The following STX2 variants were observed in gnomAD, a reference collection of about 807,000 sequenced individuals.
The protein encoded by STX2 is syntaxin 2, also known as syntaxin-2.
STX2 carries 27 observed loss-of-function variants against 40.6 expected under a neutral mutation model. The observed-to-expected ratio is 0.66, with a 90% CI of 0.49 to 0.92. STX2 has a LOEUF of 0.92. Among genes scored for constraint, STX2 ranks in the 40% least tolerant of loss-of-function variants. The probability of loss-of-function intolerance (pLI) is 0.00; values close to 1 mark genes in which losing one functional copy is unlikely to be tolerated. For missense variants in STX2, 328 were observed against 366.1 expected, an observed-to-expected ratio of 0.90 and a Z score of 0.85; for synonymous variants, 123 against 119.1, an observed-to-expected ratio of 1.03 and a Z score of -0.22.
At chr12:130,808,344 G>A (rs184040136) in intron 5 of STX2, among the ~76,000 whole-genome samples, 7 of 151,482 alleles carry the variant, frequency 4.6e-5, no homozygotes, top group East Asian at 3.9e-4. Flanking sequence ...TCTCCTGCCC[G>A]CTCTTTCCCC....
chr12:130,835,372 G>C (rs1017052865), intron 1 of STX2, among the ~76,000 whole-genome samples: 1 of 152,122 alleles, frequency 6.6e-6, no homozygotes, highest in African/African-American at 2.4e-5. Context: ...GGTCTACTAA[G>C]AACACCACAC....
intron 4 of STX2, among the ~76,000 whole-genome samples, chr12:130,809,646 GTCTCT>G (rs1951572498): frequency 6.6e-6 from 1 of 152,084 alleles, no homozygotes. Flanking sequence ...GTGAAACCCT[GTCTCT>G]ACTACAAATA....
At chr12:130,812,329 T>C (rs1200032885) in intron 4 of STX2, 3 of 432,966 alleles carry the variant, frequency 6.9e-6, no homozygotes, top group Non-Finnish European at 1.4e-5. Flanking sequence ...CTCAGATGCC[T>C]GGGATGGGCT....
At chr12:130,838,536 C>T (rs75753578) in intron 1 of STX2, among the ~76,000 whole-genome samples, 6,231 of 152,240 alleles carry the variant, frequency 0.041, 402 homozygotes, top group African/African-American at 0.14. Flanking sequence ...CTAAGGTGCC[C>T]ACATTTCACA....
At chr12:130,795,948 G>T in intron 10 of STX2, 47 bp downstream of exon 10, 1 of 1,566,692 alleles carries the variant, frequency 6.4e-7, no homozygotes, top group Non-Finnish European at 8.6e-7. Context: ...TACTATTATT[G>T]GTTAATTGCA....
chr12:130,828,544 C>T (rs1244956779), intron 1 of STX2, among the ~76,000 whole-genome samples: 2 of 151,650 alleles, frequency 1.3e-5, no homozygotes, highest in African/African-American at 4.8e-5. Context: ...CCAGCCTGTA[C>T]ACTCGTAATT....
intron 10 of STX2, among the ~76,000 whole-genome samples, chr12:130,792,745 C>T (rs1317770923): frequency 1.3e-5 from 2 of 152,254 alleles, no homozygotes; most frequent in African/African-American, 4.8e-5. Context: ...GGATTACAGG[C>T]ATGAGCCACT....
chr12:130,828,867 C>CA (rs71451381), intron 1 of STX2, among the ~76,000 whole-genome samples: 69,293 of 121,254 alleles, frequency 0.57, 20,237 homozygotes, highest in East Asian at 0.86. Context: ...GACTCTGTCT[C>CA]AAAAAAAAAA....
rs1331208579 is a variant in STX2, at chr12:130,789,874, A to C, written c.*2149T>G. ...ATACAAATCAAATAGCATTTTCCTAACTTCAACTATAAAAACACAAATTTC... is the reference window on the plus strand; with the variant it reads ...ATACAAATCAAATAGCATTTTCCTACCTTCAACTATAAAAACACAAATTTC... On this transcript the variant is annotated 3_prime_UTR_variant, in exon 11 of 11. Transcript: ENST00000392373. The C allele has an allele frequency of 5.3e-5, 8 of 152,342 alleles. No individual in the cohort carries two copies. The highest frequency in any genetic ancestry group is 4.4e-5 in the Non-Finnish European group (3 of 68,038). The allele number at this position is 152,342 out of a possible 1,614,324, so 9.4% of individuals were successfully genotyped here.
intron 3 of STX2, among the ~76,000 whole-genome samples, chr12:130,819,077 G>A (rs1264715570): frequency 1.3e-5 from 2 of 152,238 alleles, no homozygotes; most frequent in Admixed American, 6.5e-5. Flanking sequence ...CCTGGGATCC[G>A]CGGCTGCAGG....
At chr12:130,795,917 T>A (rs925455720) in intron 10 of STX2, 78 bp downstream of exon 10, 10 of 1,473,990 alleles carry the variant, frequency 6.8e-6, no homozygotes, top group Non-Finnish European at 9.0e-6. Flanking sequence ...ATTAGTTTTA[T>A]GTCTATTACA....
At chr12:130,834,783 C>T (rs1400955891) in intron 1 of STX2, among the ~76,000 whole-genome samples, 1 of 152,170 alleles carries the variant, frequency 6.6e-6, no homozygotes, top group East Asian at 1.9e-4. Flanking sequence ...TAAGTTATGA[C>T]ATTCTAAACT....
chr12:130,836,907 C>T (rs1295351434), intron 1 of STX2, among the ~76,000 whole-genome samples: 2 of 152,164 alleles, frequency 1.3e-5, no homozygotes, highest in African/African-American at 4.8e-5. Context: ...CTAGCTCTGC[C>T]GTTCTAGAAC....
At position 130,817,906 on chromosome 12, in the gene STX2, G is replaced by C. The variant is rs2398537; in HGVS notation, c.205+3783C>G. On this transcript the variant is annotated intron_variant, in intron 3 of 10. Transcript: ENST00000392373. Reference sequence around the variant, plus strand: ...AAGGAGGTAAGAAGGAAGGGGAGAGGAACCGCAAGGGCAGGAAGGCCTCGG... The same window carrying C: ...AAGGAGGTAAGAAGGAAGGGGAGAGCAACCGCAAGGGCAGGAAGGCCTCGG... Among the ~76,000 whole-genome samples, 1,328 of 151,750 alleles carry C rather than the reference G, an allele frequency of 8.8e-3. 18 individuals are homozygous for C. The highest frequency in any genetic ancestry group is 0.031 in the African/African-American group (1,268 of 41,342).
chr12:130,797,258 T>C (rs1240109817), intron 9 of STX2, among the ~76,000 whole-genome samples: 2 of 152,158 alleles, frequency 1.3e-5, no homozygotes, highest in Non-Finnish European at 2.9e-5. Context: ...GTTCAGGTCA[T>C]GGAGAAAAGG....
At chr12:130,815,648 A>T (rs1378477453) in intron 3 of STX2, among the ~76,000 whole-genome samples, 1 of 152,210 alleles carries the variant, frequency 6.6e-6, no homozygotes, top group Non-Finnish European at 1.5e-5. Context: ...TATTTCAGTG[A>T]CACCTACTGC....
At chr12:130,809,977 C>T (rs1951587294) in intron 4 of STX2, among the ~76,000 whole-genome samples, 2 of 152,138 alleles carry the variant, frequency 1.3e-5, no homozygotes, top group South Asian at 2.1e-4. Flanking sequence ...CACTGGTGAA[C>T]AGTCACTGCA....
In STX2 at chr12:130,798,591, T is replaced by G; in HGVS notation, c.720A>C (p.Thr240=). 2 of 1,607,016 alleles carry G rather than the reference T, an allele frequency of 1.2e-6. No individual in the cohort carries two copies. Among genetic ancestry groups the G allele is most frequent in the Non-Finnish European group, 8.5e-7 (1 of 1,178,004 alleles). The change falls in exon 9 of 11, where the codon ACA becomes ACC. Residue 240 remains threonine (T), a synonymous_variant. Coordinates refer to ENST00000392373, the MANE Select transcript of STX2 (RefSeq NM_194356.4). The part of the protein sequence containing the change: ...NNIERNVMNA[T]DYVEHAKEET... ...CTTCTTTAGCGTGTTCTACATAGTC[T>G]GTGGCATTCATAACATTTCTTTCTA...
At chr12:130,815,354 T>C (rs896203312) in intron 3 of STX2, among the ~76,000 whole-genome samples, 4 of 152,154 alleles carry the variant, frequency 2.6e-5, no homozygotes, top group African/African-American at 9.7e-5. Context: ...CTGGCCTCCA[T>C]CCTCCTGTAG....
Sources: allele counts gnomAD v4.1 joint callset (sites outside exome capture counted in the v4.1 genomes callset), GRCh38; gene constraint gnomAD v4.1.1; transcripts MANE v1.5; gene names NCBI Gene and HGNC (gene_info 2026-07-23, HGNC 2026-07-21).